The following MAP1B variants were observed in gnomAD, a reference collection of about 807,000 sequenced individuals.
The protein encoded by MAP1B is microtubule-associated protein 1B.
Under a neutral mutation model 176.1 loss-of-function variants are expected in MAP1B, and 12 were observed. The observed-to-expected ratio is 0.07, with a 90% CI of 0.04 to 0.11. MAP1B has a LOEUF of 0.11. MAP1B is among the 10% of genes least tolerant of loss of function. The probability of loss-of-function intolerance (pLI) is 1.00; values close to 1 mark genes in which losing one functional copy is unlikely to be tolerated. For synonymous variants in MAP1B, 1,044 were observed against 1,135.0 expected, an observed-to-expected ratio of 0.92 and a Z score of 1.61; for missense variants, 2,523 against 2,990.5, an observed-to-expected ratio of 0.84 and a Z score of 3.65.
chr5:72,107,528 C>T lies in MAP1B; in HGVS notation c.-4C>T. 2.6e-6 allele frequency: 4 copies of T among 1,558,608 alleles called. No homozygotes were observed. Among genetic ancestry groups the T allele is most frequent in the Non-Finnish European group, 2.6e-6 (3 of 1,156,318 alleles). ...CACTTCGCCGAGGCACAGCAGCCGG[C>T]AGGATGGCGACCGTGGTGGTGGAAG... On this transcript the variant is annotated 5_prime_UTR_variant, in exon 1 of 7. Coordinates refer to ENST00000296755, the MANE Select transcript of MAP1B (RefSeq NM_005909.5).
intron 2 of MAP1B, among the ~76,000 whole-genome samples, chr5:72,117,541 T>C (rs544086892): frequency 6.6e-6 from 1 of 152,360 alleles, no homozygotes; most frequent in Admixed American, 6.5e-5. Flanking sequence ...TAACCATTTC[T>C]AGACCCAAGA....
chr5:72,122,520 C>T (rs1262263979), intron 2 of MAP1B, among the ~76,000 whole-genome samples: 2 of 152,082 alleles, frequency 1.3e-5, no homozygotes, highest in Non-Finnish European at 2.9e-5. Context: ...TCCCTTGGTG[C>T]AGGTGTGGCC....
intron 2 of MAP1B, among the ~76,000 whole-genome samples, chr5:72,116,788 A>G (rs1402468907): frequency 1.3e-5 from 2 of 152,204 alleles, no homozygotes; most frequent in Non-Finnish European, 2.9e-5. Flanking sequence ...CTTTTGTTAT[A>G]TGATTCCTAA....
intron 2 of MAP1B, among the ~76,000 whole-genome samples, chr5:72,161,267 A>G (rs1580001395): frequency 6.6e-6 from 1 of 152,178 alleles, no homozygotes; most frequent in Non-Finnish European, 1.5e-5. Flanking sequence ...ATCTCTCTAT[A>G]CCCTGGTTTT....
chr5:72,147,331 G>A (rs878865585), intron 2 of MAP1B, among the ~76,000 whole-genome samples: 4 of 151,978 alleles, frequency 2.6e-5, no homozygotes, highest in African/African-American at 7.2e-5. Context: ...CACCTTTCTC[G>A]GTAAAGCTGA....
In MAP1B at chr5:72,196,950, G is replaced by A. The variant is rs746637456; in HGVS notation, c.3595G>A (p.Asp1199Asn). ...GSKTDATDGK[D>N]YNASASTISP... ...AAAAACAGATGCCACTGATGGCAAG[G>A]ATTACAATGCTTCAGCCTCTACCAT... Residue 1199 changes from aspartate (D) to asparagine (N), a missense_variant, in exon 5 of 7, where the codon GAT (aspartate) becomes AAT (asparagine). Coordinates refer to ENST00000296755, the MANE Select transcript of MAP1B (RefSeq NM_005909.5). This position sits in a 1 kb window ranked among gnomAD's most constrained non-coding sequence, Gnocchi z 5.3. 6.2e-7 allele frequency: 1 copy of A among 1,614,216 alleles called. No individual in the cohort carries two copies. Among genetic ancestry groups the A allele is most frequent in the Non-Finnish European group, 8.5e-7 (1 of 1,180,044 alleles).
At chr5:72,147,775 A>G (rs1376932809) in intron 2 of MAP1B, among the ~76,000 whole-genome samples, 4 of 152,210 alleles carry the variant, frequency 2.6e-5, no homozygotes, top group Admixed American at 2.0e-4. Context: ...TTACTATTTG[A>G]TGGAGTGGGC....
chr5:72,191,054 C>G (rs141986997), intron 4 of MAP1B, among the ~76,000 whole-genome samples: 259 of 152,294 alleles, frequency 1.7e-3, no homozygotes, highest in African/African-American at 5.9e-3. Context: ...TGTCATCCAA[C>G]TTTGTAAGAA....
chr5:72,178,333 A>C (rs1746692804), intron 2 of MAP1B, among the ~76,000 whole-genome samples: 1 of 152,242 alleles, frequency 6.6e-6, no homozygotes, highest in Non-Finnish European at 1.5e-5. Context: ...CAAGACATTT[A>C]GTGCTTGTGG....
At chr5:72,150,682 G>A (rs750361005) in intron 2 of MAP1B, among the ~76,000 whole-genome samples, 7 of 152,214 alleles carry the variant, frequency 4.6e-5, no homozygotes, top group East Asian at 1.9e-4. Flanking sequence ...GCCCCAGTGC[G>A]TGTTGTTCCC....
In MAP1B at chr5:72,180,036, G is replaced by A. The variant is rs1175473739; in HGVS notation, c.287-3707G>A. Reference sequence around the variant, plus strand: ...CCTCGGCAGCAGGCGAGCTCACTGTGTGTTTGGGGAAGAGCGTGCTGTGGA... The same window carrying A: ...CCTCGGCAGCAGGCGAGCTCACTGTATGTTTGGGGAAGAGCGTGCTGTGGA... On this transcript the variant is annotated intron_variant, in intron 2 of 6. Coordinates refer to ENST00000296755, the MANE Select transcript of MAP1B (RefSeq NM_005909.5). 12 of 570,908 alleles carry A rather than the reference G, an allele frequency of 2.1e-5. No individual in the cohort carries two copies. The African/African-American group carries it at 2.4e-4, about 12-fold the overall frequency. 35.4% of individuals were successfully genotyped at this position (570,908 alleles called of 1,614,324 possible).
At chr5:72,116,427 A>G in intron 2 of MAP1B, 1 of 420,552 alleles carries the variant, frequency 2.4e-6, no homozygotes, top group Middle Eastern at 3.4e-4. Context: ...TTCAGAGATG[A>G]AAAAGAATAT....
At chr5:72,174,873 T>A (rs1561306483) in intron 2 of MAP1B, among the ~76,000 whole-genome samples, 1 of 114,820 alleles carries the variant, frequency 8.7e-6, no homozygotes, top group African/African-American at 3.3e-5. Flanking sequence ...CTCTGCTTCC[T>A]TTCTTCCTTC....
intron 5 of MAP1B, 133 bp downstream of exon 5, chr5:72,200,500 T>A: frequency 8.8e-7 from 1 of 1,139,450 alleles, no homozygotes; most frequent in Non-Finnish European, 1.2e-6. Context: ...TTCCCTGTAC[T>A]CTTCTCCTCT....
intron 1 of MAP1B, among the ~76,000 whole-genome samples, chr5:72,108,534 T>C (rs1745191219): frequency 6.6e-6 from 1 of 152,310 alleles, no homozygotes; most frequent in South Asian, 2.1e-4. Flanking sequence ...CTCGCACCAG[T>C]GGCGCGCTCT....
At chr5:72,123,634 G>A (rs1384293102) in intron 2 of MAP1B, among the ~76,000 whole-genome samples, 6 of 151,950 alleles carry the variant, frequency 3.9e-5, no homozygotes, top group Non-Finnish European at 8.8e-5. Flanking sequence ...ACAGGCGCCC[G>A]CCACGACGCC....
At position 72,120,787 on chromosome 5, in the gene MAP1B, C is replaced by G. The variant is rs547219314; in HGVS notation, c.286+4988C>G. Among the ~76,000 whole-genome samples, 3 of 152,274 alleles carry G rather than the reference C, an allele frequency of 2.0e-5. No individual in the cohort carries two copies. The East Asian group carries it at 5.8e-4, about 29-fold the overall frequency. Reference sequence around the variant, plus strand: ...AGTGTGTAAAGCTCTTAAGACAGGGCTTGTCACATGGAAACAAATGTGAAC... The same window carrying G: ...AGTGTGTAAAGCTCTTAAGACAGGGGTTGTCACATGGAAACAAATGTGAAC... On this transcript the variant is annotated intron_variant, in intron 2 of 6. Transcript: ENST00000296755.
At chr5:72,172,616 C>T (rs1746568080) in intron 2 of MAP1B, among the ~76,000 whole-genome samples, 1 of 152,148 alleles carries the variant, frequency 6.6e-6, no homozygotes, top group African/African-American at 2.4e-5. Context: ...AATTAAATAT[C>T]AGATAAACCT....
chr5:72,146,378 G>A lies in MAP1B; in HGVS notation c.286+30579G>A, dbSNP rs549245919. Among the ~76,000 whole-genome samples the A allele has an allele frequency of 5.3e-5, 8 of 152,292 alleles. No homozygotes were observed. The East Asian group carries it at 5.8e-4, about 11-fold the overall frequency. ...GGAGGAGGCCTTGCCTTTCTCAGACGTAGCCAGTGCCATTTGAGTCCGGGT... is the reference window on the plus strand; with the variant it reads ...GGAGGAGGCCTTGCCTTTCTCAGACATAGCCAGTGCCATTTGAGTCCGGGT... On this transcript the variant is annotated intron_variant, in intron 2 of 6. Transcript: ENST00000296755.
Sources: gnomAD v4.1 joint callset for allele counts (sites outside exome capture counted in the v4.1 genomes callset) on GRCh38, gnomAD v4.1.1 for gene constraint, Gnocchi (gnomAD v3.1) non-coding constraint, MANE v1.5 for transcripts, NCBI Gene and HGNC (gene_info 2026-07-23, HGNC 2026-07-21) for gene names.